GPD2: variants seen among roughly 807,000 people sequenced by gnomAD.
GPD2 encodes glycerol-3-phosphate dehydrogenase, mitochondrial.
A neutral mutation model predicts 82.4 loss-of-function variants in GPD2; 54 were observed. The ratio of observed to expected loss-of-function variants is 0.66; its 90% confidence interval spans 0.53 to 0.82. The LOEUF (loss-of-function observed/expected upper bound fraction) is 0.82. Among genes scored for constraint, GPD2 ranks in the 40% least tolerant of loss-of-function variants. The pLI is 0.00. For missense variants in GPD2, 748 were observed against 896.2 expected, an observed-to-expected ratio of 0.83 and a Z score of 2.11; for synonymous variants, 288 against 306.1, an observed-to-expected ratio of 0.94 and a Z score of 0.62.
At chr2:156,498,267 G>A (rs1245926828) in intron 3 of GPD2, among the ~76,000 whole-genome samples, 1 of 152,156 alleles carries the variant, frequency 6.6e-6, no homozygotes, top group Non-Finnish European at 1.5e-5. Flanking sequence ...CCGTTAGTGT[G>A]CCCACAGTTC....
intron 6 of GPD2, among the ~76,000 whole-genome samples, chr2:156,521,910 CTT>C (rs1297691243): frequency 1.3e-5 from 2 of 152,152 alleles, no homozygotes; most frequent in African/African-American, 4.8e-5. Context: ...TATTTCTCCT[CTT>C]GTTTTCTATG....
chr2:156,507,117 G>T (rs534023789), intron 3 of GPD2, among the ~76,000 whole-genome samples: 2 of 151,500 alleles, frequency 1.3e-5, no homozygotes, highest in Non-Finnish European at 2.9e-5. Context: ...GGGTTCAAGC[G>T]ATTCTCCTGC....
At chr2:156,472,316 C>G (rs2105194905) in intron 1 of GPD2, among the ~76,000 whole-genome samples, 1 of 151,992 alleles carries the variant, frequency 6.6e-6, no homozygotes, top group East Asian at 1.9e-4. Flanking sequence ...AAACAAAGTT[C>G]TTTTTTAAAT....
At chr2:156,562,995 A>AT (rs1687231249) in intron 9 of GPD2, among the ~76,000 whole-genome samples, 1 of 151,976 alleles carries the variant, frequency 6.6e-6, no homozygotes, top group African/African-American at 2.4e-5. Flanking sequence ...TTAATGATGG[A>AT]TTTTTCTCAA....
chr2:156,551,812 A>G (rs2105337246), intron 8 of GPD2, among the ~76,000 whole-genome samples: 1 of 152,318 alleles, frequency 6.6e-6, no homozygotes, highest in Non-Finnish European at 1.5e-5. Flanking sequence ...GGTTCTAACA[A>G]TGTATATAGA....
intron 6 of GPD2, among the ~76,000 whole-genome samples, chr2:156,542,960 C>G (rs528178223): frequency 6.6e-6 from 1 of 152,116 alleles, no homozygotes; most frequent in Non-Finnish European, 1.5e-5. Context: ...CTTATTCTCC[C>G]TAAATCAGTG....
At chr2:156,476,382 T>C (rs971472574) in intron 2 of GPD2, among the ~76,000 whole-genome samples, 175 bp downstream of exon 2, 1 of 152,254 alleles carries the variant, frequency 6.6e-6, no homozygotes, top group African/African-American at 2.4e-5. Flanking sequence ...GAACTGTGTG[T>C]ATCTCCTTTT....
chr2:156,564,105 G>A (rs887173915), intron 9 of GPD2, among the ~76,000 whole-genome samples: 18 of 152,118 alleles, frequency 1.2e-4, no homozygotes, highest in Admixed American at 1.1e-3. Flanking sequence ...GTTGAATTTG[G>A]GTTTTTTTGT....
the GPD2 span, among the ~76,000 whole-genome samples, chr2:156,417,018 G>A: frequency 6.6e-6 from 1 of 151,996 alleles, no homozygotes; most frequent in South Asian, 2.1e-4. Context: ...AGGCACTTTT[G>A]GTCACTTATT....
At chr2:156,521,900 T>C (rs71419098) in intron 6 of GPD2, among the ~76,000 whole-genome samples, 1 of 152,160 alleles carries the variant, frequency 6.6e-6, no homozygotes, top group Non-Finnish European at 1.5e-5. Context: ...TTTCCTGTTG[T>C]ATTTCTCCTC....
At chr2:156,500,427 CTG>C (rs1273689441) in intron 3 of GPD2, among the ~76,000 whole-genome samples, 3 of 152,244 alleles carry the variant, frequency 2.0e-5, no homozygotes, top group Admixed American at 2.0e-4. Context: ...TGCATTGTTG[CTG>C]TTCATTCATG....
At chr2:156,433,549 C>T (rs77859120), upstream of GPD2, among the ~76,000 whole-genome samples, 292 of 152,268 alleles carry the variant, frequency 1.9e-3, no homozygotes, top group African/African-American at 6.4e-3. Context: ...TTAAAAAATC[C>T]GCTCCACGAA....
intron 2 of GPD2, among the ~76,000 whole-genome samples, chr2:156,489,741 TCC>T (rs1472410764): frequency 7.3e-4 from 57 of 77,570 alleles, no homozygotes; most frequent in Non-Finnish European, 1.2e-3. Flanking sequence ...CCTCCCTCCC[TCC>T]CTCCCTCGCT....
In GPD2 at chr2:156,549,886, A is replaced by T. The variant is rs547759022; in HGVS notation, c.826+114A>T. 1.7e-5 allele frequency: 14 copies of T among 826,022 alleles called. 2 individuals carry two copies. Among genetic ancestry groups the T allele is most frequent in the African/African-American group, 1.5e-4 (9 of 59,452 alleles). 51.2% of individuals were successfully genotyped at this position (826,022 alleles called of 1,614,324 possible). ...TTCATTTATGCCACGCTTCAGAGTC[A>T]TATTAATTATATTCGTTATTGTCAG... On this transcript the variant is annotated intron_variant, in intron 7 of 16. Coordinates refer to ENST00000438166, the MANE Select transcript of GPD2 (RefSeq NM_000408.5).
chr2:156,511,067 A>G (rs1363467365), intron 4 of GPD2, 147 bp downstream of exon 4: 10 of 778,842 alleles, frequency 1.3e-5, no homozygotes, highest in Non-Finnish European at 2.0e-5. Flanking sequence ...AATATCTTTC[A>G]GGAGAGGTGT....
chr2:156,426,302 A>T, the GPD2 span, among the ~76,000 whole-genome samples: 1 of 152,224 alleles, frequency 6.6e-6, no homozygotes, highest in Admixed American at 6.5e-5. Context: ...GAAAACTTAC[A>T]ATCACGGCAG....
intron 6 of GPD2, among the ~76,000 whole-genome samples, chr2:156,541,730 T>A (rs1205588433): frequency 6.6e-6 from 1 of 152,092 alleles, no homozygotes; most frequent in Non-Finnish European, 1.5e-5. Context: ...CTCTATAGCA[T>A]GTCTTGCTTC....
At chr2:156,411,292 A>G in the GPD2 span, among the ~76,000 whole-genome samples, 1 of 152,154 alleles carries the variant, frequency 6.6e-6, no homozygotes, top group Admixed American at 6.6e-5. Context: ...TTCCAGTCAC[A>G]TAAGTTCTCT....
At chr2:156,453,634 C>T (rs1003620676) in intron 1 of GPD2, among the ~76,000 whole-genome samples, 2 of 152,056 alleles carry the variant, frequency 1.3e-5, no homozygotes, top group Non-Finnish European at 2.9e-5. Context: ...CCCAGCACTT[C>T]GGGAGGCTGA....
Sources: gnomAD v4.1 joint callset for allele counts (sites outside exome capture counted in the v4.1 genomes callset) on GRCh38, gnomAD v4.1.1 for gene constraint, MANE v1.5 for transcripts, NCBI Gene and HGNC (gene_info 2026-07-23, HGNC 2026-07-21) for gene names.